Variants in FLT1 observed in about 807,000 individuals in gnomAD.
FLT1 encodes vascular endothelial growth factor receptor 1.
A neutral mutation model predicts 156.3 loss-of-function variants in FLT1; 49 were observed. The ratio of observed to expected loss-of-function variants is 0.31; its 90% confidence interval spans 0.25 to 0.40. The LOEUF is 0.40. FLT1 is among the 10% of genes least tolerant of loss of function. The pLI is 1.00. For synonymous variants in FLT1, 594 were observed against 583.8 expected (o/e 1.02, Z -0.25); for missense variants, 1,322 against 1,637.2 (o/e 0.81, Z 3.32).
intron 1 of FLT1, among the ~76,000 whole-genome samples, chr13:28,479,013 T>C (rs1296646279): frequency 6.6e-6 from 1 of 152,216 alleles, no homozygotes; most frequent in Non-Finnish European, 1.5e-5. Flanking sequence ...AATTTTCAGC[T>C]TACTTTGATA....
At chr13:28,449,416 T>A (rs918130619) in intron 3 of FLT1, among the ~76,000 whole-genome samples, 3 of 152,174 alleles carry the variant, frequency 2.0e-5, no homozygotes, top group African/African-American at 7.2e-5. Context: ...CAATTTAATA[T>A]CTCCTAGTAA....
chr13:28,405,009 G>C (rs548190966), intron 11 of FLT1, among the ~76,000 whole-genome samples: 2 of 142,216 alleles, frequency 1.4e-5, no homozygotes, highest in Non-Finnish European at 3.0e-5. Context: ...GACAGAGTGA[G>C]ACTCCATCTC....
chr13:28,389,381 T>C, intron 13 of FLT1: 2 of 1,266,196 alleles, frequency 1.6e-6, no homozygotes, highest in Non-Finnish European at 2.0e-6. Flanking sequence ...CACTTAAAAA[T>C]AAAAAGAGGT....
intron 10 of FLT1, among the ~76,000 whole-genome samples, chr13:28,412,389 T>TTTCCTTCTTTCTTTCCTTCC: frequency 7.2e-6 from 1 of 139,242 alleles, no homozygotes; most frequent in African/African-American, 2.7e-5. Context: ...TCTTTCTTTC[T>TTTCCTTCTTTCTTTCCTTCC]TTCTTTCTTT....
At position 28,420,380 on chromosome 13, in the gene FLT1, G is replaced by A. The variant is rs138596819; in HGVS notation, c.1436+6779C>T. 4.7e-3 allele frequency among the ~76,000 whole-genome samples: 716 copies of A among 152,190 alleles called. 7 individuals are homozygous for A. Among genetic ancestry groups the A allele is most frequent in the African/African-American group, 0.016 (683 of 41,500 alleles). ...CATTTTGATTCAAGGTTTTGTTTGT[G>A]GTAAATTAAAATTCTCTGTAGCATG... On this transcript the variant is annotated intron_variant, in intron 10 of 29. Transcript: ENST00000282397.
intron 10 of FLT1, among the ~76,000 whole-genome samples, chr13:28,407,600 G>A (rs955352923): frequency 3.9e-5 from 6 of 152,126 alleles, no homozygotes; most frequent in South Asian, 2.1e-4. Context: ...CACCTAAACC[G>A]TATATCAGAT....
At chr13:28,373,426 A>T (rs1593719023) in intron 14 of FLT1, among the ~76,000 whole-genome samples, 1 of 152,198 alleles carries the variant, frequency 6.6e-6, no homozygotes, top group East Asian at 1.9e-4. Flanking sequence ...TTCACTGACT[A>T]GTTATCTGAG....
chr13:28,374,621 C>T (rs1254631547), intron 14 of FLT1, among the ~76,000 whole-genome samples: 3 of 151,808 alleles, frequency 2.0e-5, no homozygotes, highest in Non-Finnish European at 4.4e-5. Context: ...ATGCCATTCT[C>T]CTGCCTCAGC....
At chr13:28,334,877 C>A in intron 17 of FLT1, among the ~76,000 whole-genome samples, 2 of 152,118 alleles carry the variant, frequency 1.3e-5, no homozygotes, top group East Asian at 3.9e-4. Context: ...AGTCCTTGCC[C>A]CCCTTTACTC....
intron 1 of FLT1, among the ~76,000 whole-genome samples, chr13:28,485,680 G>A (rs1374119619): frequency 6.6e-6 from 1 of 152,116 alleles, no homozygotes; most frequent in Non-Finnish European, 1.5e-5. Context: ...CCCACCCCTC[G>A]CATCTGAGCT....
intron 3 of FLT1, among the ~76,000 whole-genome samples, chr13:28,458,223 C>A (rs563859334): frequency 1.3e-5 from 2 of 152,288 alleles, no homozygotes; most frequent in African/African-American, 4.8e-5. Context: ...CCACACCCGG[C>A]CCATCTTTAG....
At chr13:28,438,433 A>G in intron 3 of FLT1, 88 bp from the exon 4 acceptor site, 1 of 976,978 alleles carries the variant, frequency 1.0e-6, no homozygotes, top group Non-Finnish European at 1.6e-6. Context: ...TATGGTAGGC[A>G]TTGCCACAGT....
At chr13:28,399,492 G>A (rs1021102375) in intron 11 of FLT1, among the ~76,000 whole-genome samples, 2 of 152,146 alleles carry the variant, frequency 1.3e-5, no homozygotes, top group African/African-American at 4.8e-5. Context: ...CCGAGAACAA[G>A]AACTGGGTTT....
At chr13:28,392,944 C>T (rs1593739268) in intron 12 of FLT1, among the ~76,000 whole-genome samples, 1 of 152,060 alleles carries the variant, frequency 6.6e-6, no homozygotes, top group South Asian at 2.1e-4. Context: ...TCTTTTGATC[C>T]ATGGAAGATG....
At chr13:28,383,793 A>G (rs139782279) in intron 14 of FLT1, among the ~76,000 whole-genome samples, 2,276 of 152,278 alleles carry the variant, frequency 0.015, 58 homozygotes, top group African/African-American at 0.053. Flanking sequence ...AGATCGTGCC[A>G]CTGCACTCCA....
At chr13:28,336,326 T>C (rs1277015276) in intron 17 of FLT1, among the ~76,000 whole-genome samples, 4 of 152,216 alleles carry the variant, frequency 2.6e-5, no homozygotes, top group African/African-American at 4.8e-5. Context: ...TCCTTAATCA[T>C]CTGATGTGTT....
At chr13:28,465,480 C>T (rs1266825902) in intron 3 of FLT1, among the ~76,000 whole-genome samples, 1 of 152,148 alleles carries the variant, frequency 6.6e-6, no homozygotes, top group African/African-American at 2.4e-5. Context: ...AAGACTAATC[C>T]TGAATTTGGA....
intron 15 of FLT1, among the ~76,000 whole-genome samples, chr13:28,351,061 AT>A (rs1352417912): frequency 6.7e-6 from 1 of 148,684 alleles, no homozygotes; most frequent in African/African-American, 2.5e-5. Flanking sequence ...GTGCAGAGTA[AT>A]TTTTTTTCAT....
intron 1 of FLT1, among the ~76,000 whole-genome samples, chr13:28,473,693 GAAAGAAA>G (rs1162671532): frequency 9.7e-5 from 13 of 134,562 alleles, no homozygotes; most frequent in Admixed American, 8.6e-4. Flanking sequence ...GAGAGAGAGA[GAAAGAAA>G]AGAAAGAAAG....
Sources: allele counts gnomAD v4.1 joint callset (sites outside exome capture counted in the v4.1 genomes callset), GRCh38; gene constraint gnomAD v4.1.1; transcripts MANE v1.5; gene names NCBI Gene and HGNC (gene_info 2026-07-23, HGNC 2026-07-21).